OPRM1: variants seen among roughly 807,000 people sequenced by gnomAD.
OPRM1 encodes the protein opioid receptor mu 1.
Under a neutral mutation model 31.8 loss-of-function variants are expected in OPRM1, and 27 were observed. The observed-to-expected ratio is 0.85, with a 90% confidence interval of 0.63 to 1.17. The LOEUF (loss-of-function observed/expected upper bound fraction) is 1.17, where lower values mean the gene tolerates loss of function less well. Among genes scored for constraint, OPRM1 ranks in the 50% most tolerant of loss-of-function variants. OPRM1 has a pLI of 0.00. For synonymous variants in OPRM1, 196 were observed against 189.9 expected (o/e 1.03, Z -0.26); for missense variants, 536 against 511.1 (o/e 1.05, Z -0.47).
At chr6:154,228,738 T>C (rs1304313669) in intron 3 of OPRM1, among the ~76,000 whole-genome samples, 1 of 152,232 alleles carries the variant, frequency 6.6e-6, no homozygotes, top group African/African-American at 2.4e-5. Flanking sequence ...CACTCTGCTC[T>C]TGGCCAGATG....
chr6:154,039,880 G>A (rs1272764548), intron 1 of OPRM1, 46 bp downstream of exon 1: 1 of 1,515,552 alleles, frequency 6.6e-7, no homozygotes. Context: ...AGCGGCTTAA[G>A]GGGGTACAAA....
chr6:154,090,098 T>G lies in OPRM1; in HGVS notation c.563T>G (p.Ile188Ser), dbSNP rs1562454676. ...LDFRTPRNAKIINVCNWILSS... is the reference protein window; with the variant it reads ...LDFRTPRNAKSINVCNWILSS... ...TTCCGTACTCCCCGAAATGCCAAAA[T>G]TATCAATGTCTGCAACTGGATCCTC... is the stretch of plus-strand genomic sequence containing the variant. The change falls in exon 2 of 4, where the codon ATT becomes AGT. Residue 188 changes from isoleucine to serine, a missense_variant. Coordinates refer to ENST00000330432, the MANE Select transcript of OPRM1 (RefSeq NM_000914.5). 1 of 1,614,064 alleles carries G rather than the reference T, an allele frequency of 6.2e-7. No individual in the cohort carries two copies. Among genetic ancestry groups the G allele is most frequent in the Non-Finnish European group, 8.5e-7 (1 of 1,180,024 alleles).
At chr6:154,116,522 T>A (rs1352703364) in intron 3 of OPRM1, among the ~76,000 whole-genome samples, 2 of 150,290 alleles carry the variant, frequency 1.3e-5, no homozygotes, top group Non-Finnish European at 3.0e-5. Context: ...GAGGTGGAGG[T>A]TGCAGTCAGG....
chr6:154,077,637 A>G (rs1788150941), intron 1 of OPRM1, among the ~76,000 whole-genome samples: 1 of 151,856 alleles, frequency 6.6e-6, no homozygotes, highest in Non-Finnish European at 1.5e-5. Flanking sequence ...AGGCTGAGGC[A>G]GGAGAATCAT....
intron 3 of OPRM1, among the ~76,000 whole-genome samples, chr6:154,196,673 A>C (rs1228403800): frequency 6.6e-6 from 1 of 152,182 alleles, no homozygotes; most frequent in Non-Finnish European, 1.5e-5. Flanking sequence ...ATTTCTAACA[A>C]AAGAAATGAG....
At chr6:154,067,048 G>T (rs571960949) in intron 1 of OPRM1, among the ~76,000 whole-genome samples, 1 of 151,972 alleles carries the variant, frequency 6.6e-6, no homozygotes, top group African/African-American at 2.4e-5. Context: ...GTAGTGATCT[G>T]ATTATTGTCT....
intron 3 of OPRM1, among the ~76,000 whole-genome samples, chr6:154,196,826 C>T (rs1776660168): frequency 6.6e-6 from 1 of 152,168 alleles, no homozygotes; most frequent in African/African-American, 2.4e-5. Context: ...CAATAGGAGG[C>T]AATTAACACC....
intron 3 of OPRM1, among the ~76,000 whole-genome samples, chr6:154,202,938 CA>C (rs1204165587): frequency 2.6e-5 from 4 of 152,118 alleles, no homozygotes; most frequent in African/African-American, 4.8e-5. Flanking sequence ...ATATTCAGGT[CA>C]GGGGGAGTTT....
chr6:154,133,285 GAC>G (rs574730362), downstream of OPRM1, among the ~76,000 whole-genome samples: 2 of 152,122 alleles, frequency 1.3e-5, no homozygotes, highest in Admixed American at 1.3e-4. Context: ...GTAATTTCCT[GAC>G]ACACAGTTTT....
intron 3 of OPRM1, among the ~76,000 whole-genome samples, chr6:154,116,688 A>T (rs548501838): frequency 1.3e-5 from 2 of 152,266 alleles, no homozygotes; most frequent in East Asian, 3.9e-4. Flanking sequence ...TTATTGTGGG[A>T]CATGATTCTA....
At chr6:154,245,446 T>G (rs1197718292) in intron 3 of OPRM1, among the ~76,000 whole-genome samples, 3 of 152,182 alleles carry the variant, frequency 2.0e-5, no homozygotes, top group Non-Finnish European at 4.4e-5. Context: ...ACCAAATCTT[T>G]AATGAACAGG....
At chr6:154,029,723 C>A (rs1205999106) in intron 1 of OPRM1, among the ~76,000 whole-genome samples, 1 of 152,144 alleles carries the variant, frequency 6.6e-6, no homozygotes. Context: ...GGGAGGGACC[C>A]AGTGGGAGCT....
intron 3 of OPRM1, among the ~76,000 whole-genome samples, chr6:154,231,036 T>C (rs1779672896): frequency 6.6e-6 from 1 of 152,188 alleles, no homozygotes; most frequent in South Asian, 2.1e-4. Context: ...CATATAAATC[T>C]ATTGTTTTCT....
intron 1 of OPRM1, among the ~76,000 whole-genome samples, chr6:154,020,704 GGT>G (rs1323038042): frequency 6.6e-6 from 1 of 152,136 alleles, no homozygotes. Flanking sequence ...AGCATTTGGT[GGT>G]GGTCATGTTT....
At chr6:154,015,214 A>T (rs1356338486) in intron 1 of OPRM1, among the ~76,000 whole-genome samples, 1 of 152,096 alleles carries the variant, frequency 6.6e-6, no homozygotes, top group Non-Finnish European at 1.5e-5. Context: ...AAGCAAACAT[A>T]TGGAGAGAGT....
chr6:154,040,444 A>G (rs1779828197), intron 1 of OPRM1, among the ~76,000 whole-genome samples: 1 of 152,102 alleles, frequency 6.6e-6, no homozygotes, highest in South Asian at 2.1e-4. Flanking sequence ...CTGAGGCAAC[A>G]CTAGGTAGAG....
intron 3 of OPRM1, among the ~76,000 whole-genome samples, chr6:154,169,637 C>T (rs187238555): frequency 6.6e-6 from 1 of 152,292 alleles, no homozygotes; most frequent in Admixed American, 6.5e-5. Flanking sequence ...AGAAAGTGAT[C>T]ATTCCTCATC....
intron 3 of OPRM1, among the ~76,000 whole-genome samples, chr6:154,169,360 C>T (rs1005519251): frequency 6.6e-6 from 1 of 151,762 alleles, no homozygotes; most frequent in Non-Finnish European, 1.5e-5. Context: ...GACTCTGTCA[C>T]ACACACACAC....
chr6:154,070,297 C>G (rs1786403518), intron 1 of OPRM1, among the ~76,000 whole-genome samples: 1 of 152,196 alleles, frequency 6.6e-6, no homozygotes, highest in African/African-American at 2.4e-5. Context: ...AGTTTACTGT[C>G]AAGCATTCCC....
Sources: gnomAD v4.1 joint callset for allele counts (sites outside exome capture counted in the v4.1 genomes callset) on GRCh38, gnomAD v4.1.1 for gene constraint, MANE v1.5 for transcripts, NCBI Gene and HGNC (gene_info 2026-07-23, HGNC 2026-07-21) for gene names.